Variants in COX7B2 observed in about 807,000 individuals in gnomAD.
The protein encoded by COX7B2 is cytochrome c oxidase subunit 7B2.
For missense variants in COX7B2, 109 were observed against 95.9 expected (o/e 1.14, Z -0.57); for synonymous variants, 37 against 32.1 (o/e 1.15, Z -0.51).
chr4:46,768,913 G>A (rs1450674440), intron 2 of COX7B2, among the ~76,000 whole-genome samples: 1 of 151,888 alleles, frequency 6.6e-6, no homozygotes, highest in Non-Finnish European at 1.5e-5. Context: ...AGGATCATAA[G>A]AGACAACTAT....
chr4:46,735,333 G>T, intron 2 of COX7B2, 92 bp from the exon 3 acceptor site: 1 of 894,880 alleles, frequency 1.1e-6, no homozygotes, highest in Non-Finnish European at 1.7e-6. Flanking sequence ...TTGGAGTGGT[G>T]TTCAGGAATG....
intron 2 of COX7B2, among the ~76,000 whole-genome samples, chr4:46,760,560 A>G (rs976766230): frequency 1.3e-5 from 2 of 152,036 alleles, no homozygotes; most frequent in Admixed American, 1.3e-4. Flanking sequence ...GCTGGTCATG[A>G]AATGGGGGTC....
At chr4:46,780,629 A>T (rs1717397916) in intron 2 of COX7B2, among the ~76,000 whole-genome samples, 2 of 152,250 alleles carry the variant, frequency 1.3e-5, no homozygotes, top group Admixed American at 1.3e-4. Flanking sequence ...TTCCCTAAGG[A>T]CTTAAATGAT....
intron 1 of COX7B2, among the ~76,000 whole-genome samples, chr4:46,848,409 A>T (rs1716434830): frequency 6.6e-6 from 1 of 152,108 alleles, no homozygotes; most frequent in Non-Finnish European, 1.5e-5. Context: ...GGTATAGCTC[A>T]GTGAAAAAAG....
chr4:46,889,823 T>C (rs1719318571), intron 1 of COX7B2, among the ~76,000 whole-genome samples: 3 of 151,958 alleles, frequency 2.0e-5, no homozygotes, highest in Non-Finnish European at 2.9e-5. Context: ...GAAACTGATA[T>C]GAAATTCATC....
At chr4:46,738,428 T>C (rs1714500542) in intron 2 of COX7B2, among the ~76,000 whole-genome samples, 2 of 152,092 alleles carry the variant, frequency 1.3e-5, no homozygotes, top group Non-Finnish European at 2.9e-5. Context: ...CTTCCATAGT[T>C]TGCAGTTGGC....
chr4:46,798,058 C>T (rs1196335695), intron 2 of COX7B2, among the ~76,000 whole-genome samples: 1 of 152,162 alleles, frequency 6.6e-6, no homozygotes, highest in African/African-American at 2.4e-5. Context: ...ACATTGATGA[C>T]ATTATGTTAA....
intron 1 of COX7B2, among the ~76,000 whole-genome samples, chr4:46,858,387 G>A (rs146712098): frequency 1.6e-4 from 24 of 152,094 alleles, no homozygotes; most frequent in Admixed American, 1.4e-3. Flanking sequence ...GAGCCACCAC[G>A]CTTGGCCACA....
chr4:46,853,121 G>C (rs916527682), intron 1 of COX7B2, among the ~76,000 whole-genome samples: 1 of 152,096 alleles, frequency 6.6e-6, no homozygotes, highest in African/African-American at 2.4e-5. Flanking sequence ...TGATGAAAAC[G>C]TGACCAGAGG....
At chr4:46,793,320 T>C (rs967886545) in intron 2 of COX7B2, among the ~76,000 whole-genome samples, 7 of 152,038 alleles carry the variant, frequency 4.6e-5, no homozygotes, top group Non-Finnish European at 8.8e-5. Context: ...GGGGCTAGCA[T>C]GTCTCTGGTT....
At chr4:46,777,611 A>G (rs1404415234) in intron 2 of COX7B2, among the ~76,000 whole-genome samples, 1 of 152,170 alleles carries the variant, frequency 6.6e-6, no homozygotes, top group Non-Finnish European at 1.5e-5. Context: ...AAAGGTACTC[A>G]GTTCATCTGT....
intron 2 of COX7B2, among the ~76,000 whole-genome samples, chr4:46,808,418 T>A (rs577888823): frequency 3.9e-4 from 59 of 151,890 alleles, no homozygotes; most frequent in African/African-American, 1.4e-3. Context: ...GTTCTATGAG[T>A]TTTTTTGTGG....
intron 1 of COX7B2, among the ~76,000 whole-genome samples, chr4:46,908,590 C>A (rs1339511892): frequency 2.0e-5 from 3 of 152,154 alleles, no homozygotes; most frequent in Non-Finnish European, 4.4e-5. Flanking sequence ...GATACAACTA[C>A]ACAAATCGCT....
At chr4:46,891,956 T>C (rs1414900737) in intron 1 of COX7B2, among the ~76,000 whole-genome samples, 1 of 152,226 alleles carries the variant, frequency 6.6e-6, no homozygotes, top group African/African-American at 2.4e-5. Flanking sequence ...ATTTATTTCC[T>C]TACCTTTTCA....
intron 1 of COX7B2, among the ~76,000 whole-genome samples, chr4:46,899,938 T>C (rs1017547562): frequency 6.6e-6 from 1 of 152,186 alleles, no homozygotes; most frequent in Non-Finnish European, 1.5e-5. Flanking sequence ...GATTTCTCAG[T>C]GTTCCTATAA....
chr4:46,787,568 G>GA (rs1717817046), intron 2 of COX7B2, among the ~76,000 whole-genome samples: 1 of 152,268 alleles, frequency 6.6e-6, no homozygotes, highest in Non-Finnish European at 1.5e-5. Flanking sequence ...ACATTAGAAA[G>GA]AAAAAATAAA....
chr4:46,854,516 G>A (rs1716888222), intron 1 of COX7B2, among the ~76,000 whole-genome samples: 1 of 152,168 alleles, frequency 6.6e-6, no homozygotes, highest in South Asian at 2.1e-4. Flanking sequence ...ACTGCTGAAA[G>A]TTCTATTGGG....
chr4:46,803,848 C>G (rs1718806882), intron 2 of COX7B2, among the ~76,000 whole-genome samples: 1 of 150,438 alleles, frequency 6.6e-6, no homozygotes. Context: ...CAAAATGAAG[C>G]TTTCTAGAGC....
At chr4:46,843,736 A>G (rs921709790) in intron 2 of COX7B2, among the ~76,000 whole-genome samples, 2 of 152,074 alleles carry the variant, frequency 1.3e-5, no homozygotes, top group African/African-American at 4.8e-5. Flanking sequence ...TGAAGATAAT[A>G]TAGTCTGAAG....
Sources: allele counts gnomAD v4.1 joint callset (sites outside exome capture counted in the v4.1 genomes callset), GRCh38; gene constraint gnomAD v4.1.1; transcripts MANE v1.5; gene names NCBI Gene and HGNC (gene_info 2026-07-23, HGNC 2026-07-21).